The following ADAMTS20 variants were observed in gnomAD, a reference collection of about 807,000 sequenced individuals.
ADAMTS20 encodes A disintegrin and metalloproteinase with thrombospondin motifs 20.
ADAMTS20 carries 225 observed loss-of-function variants against 260.1 expected under a neutral mutation model. That is an observed-to-expected ratio of 0.87 (90% CI 0.78 to 0.97). The LOEUF is 0.97. ADAMTS20 is among the 50% of genes least tolerant of loss of function. The pLI, the probability that ADAMTS20 is intolerant of heterozygous loss-of-function variation, is 0.00. For synonymous variants in ADAMTS20, 802 were observed against 769.5 expected (o/e 1.04, Z -0.70); for missense variants, 2,400 against 2,337.7 (o/e 1.03, Z -0.55).
At chr12:43,487,780 AAAG>A (rs1298167452) in intron 7 of ADAMTS20, among the ~76,000 whole-genome samples, 1 of 152,164 alleles carries the variant, frequency 6.6e-6, no homozygotes, top group Non-Finnish European at 1.5e-5. Context: ...TTCTTGAAGA[AAAG>A]AAGCTGGTGG....
intron 6 of ADAMTS20, among the ~76,000 whole-genome samples, chr12:43,492,250 G>A (rs1942610941): frequency 6.6e-6 from 1 of 151,876 alleles, no homozygotes; most frequent in African/African-American, 2.4e-5. Flanking sequence ...CGTGGTGGCG[G>A]GCGCCTGTAG....
In ADAMTS20 at chr12:43,434,388, TG is replaced by T; in HGVS notation, c.2594-18del. The T allele has an allele frequency of 1.9e-6, 3 of 1,552,946 alleles. No individual in the cohort carries two copies. The highest frequency in any genetic ancestry group is 2.6e-6 in the Non-Finnish European group (3 of 1,149,906). The stretch of plus-strand genomic sequence containing the variant: ...GCTGAAGACCTTGGCCAAAGTCAAA[TG>T]AAAATAAAAAATGAAAGAAAAATTC... On this transcript the variant is annotated intron_variant, in intron 18 of 38. Coordinates refer to ENST00000389420, the MANE Select transcript of ADAMTS20 (RefSeq NM_025003.5).
At chr12:43,439,870 T>C in intron 17 of ADAMTS20, 27 bp downstream of exon 17, 2 of 1,590,826 alleles carry the variant, frequency 1.3e-6, no homozygotes, top group Non-Finnish European at 1.7e-6. Context: ...TAAATCCAAG[T>C]GTTATTACTG....
At chr12:43,465,920 C>T (rs1942144462) in intron 9 of ADAMTS20, among the ~76,000 whole-genome samples, 1 of 151,946 alleles carries the variant, frequency 6.6e-6, no homozygotes, top group Non-Finnish European at 1.5e-5. Context: ...TAGAAAATAA[C>T]TGATGATAAT....
intron 7 of ADAMTS20, among the ~76,000 whole-genome samples, chr12:43,480,681 A>T (rs577070688): frequency 6.6e-6 from 1 of 152,210 alleles, no homozygotes; most frequent in African/African-American, 2.4e-5. Flanking sequence ...GTAGGACATT[A>T]CGCTCAGTGA....
Position 43,434,326 on chromosome 12 carries a change from C to A in ADAMTS20, c.2639G>T (p.Ser880Ile). Reference sequence around the variant, plus strand: ...GTCACATTCTTTATCAGACACAACACTATGATCACTCTTATGTATGCAAGT... The same window carrying A: ...GTCACATTCTTTATCAGACACAACAATATGATCACTCTTATGTATGCAAGT... ...NITCIHKSDH[S>I]VVSDKECDHL... is the part of the protein sequence containing the mutation. The change falls in exon 19 of 39, where the codon AGT becomes ATT. Residue 880 changes from serine (S) to isoleucine (I), a missense_variant. Coordinates refer to ENST00000389420, the MANE Select transcript of ADAMTS20 (RefSeq NM_025003.5). 6.3e-7 allele frequency: 1 copy of A among 1,592,438 alleles called. No homozygotes were observed. Among genetic ancestry groups the A allele is most frequent in the Non-Finnish European group, 8.6e-7 (1 of 1,168,088 alleles).
chr12:43,367,386 C>A (rs1303213450), intron 37 of ADAMTS20, among the ~76,000 whole-genome samples: 1 of 151,920 alleles, frequency 6.6e-6, no homozygotes, highest in Non-Finnish European at 1.5e-5. Flanking sequence ...GGTTGTGTTT[C>A]AACATATAAA....
chr12:43,534,422 C>T (rs1054541449), intron 2 of ADAMTS20, among the ~76,000 whole-genome samples: 2 of 152,162 alleles, frequency 1.3e-5, no homozygotes, highest in Admixed American at 6.6e-5. Flanking sequence ...ATATTTAACA[C>T]ATTAACAATG....
chr12:43,417,472 T>G (rs1941153131), intron 28 of ADAMTS20, among the ~76,000 whole-genome samples: 1 of 152,240 alleles, frequency 6.6e-6, no homozygotes, highest in East Asian at 1.9e-4. Context: ...CTACCACTGG[T>G]TAGGAATTGG....
chr12:43,420,694 C>G (rs1941209940), intron 28 of ADAMTS20, among the ~76,000 whole-genome samples: 2 of 151,812 alleles, frequency 1.3e-5, no homozygotes, highest in Non-Finnish European at 2.9e-5. Context: ...TGCTCAGACC[C>G]TTAGTGCTCT....
intron 2 of ADAMTS20, among the ~76,000 whole-genome samples, chr12:43,537,405 T>C (rs1182583719): frequency 6.6e-6 from 1 of 152,086 alleles, no homozygotes; most frequent in Non-Finnish European, 1.5e-5. Context: ...TATATATTTA[T>C]GGAGTACATG....
intron 7 of ADAMTS20, among the ~76,000 whole-genome samples, chr12:43,480,751 A>G (rs1322023685): frequency 6.6e-6 from 1 of 152,174 alleles, no homozygotes; most frequent in South Asian, 2.1e-4. Flanking sequence ...AATCTAAAAA[A>G]GTCGAACTCT....
At position 43,428,617 on chromosome 12, in the gene ADAMTS20, T is replaced by C. The variant is rs745396640; in HGVS notation, c.3654+18A>G. 4.0e-6 allele frequency: 6 copies of C among 1,515,940 alleles called. No individual in the cohort carries two copies. The East Asian group carries it at 1.4e-4, about 36-fold the overall frequency. The allele number at this position is 1,515,940 out of a possible 1,614,324, so 93.9% of individuals were successfully genotyped here. On this transcript the variant is annotated intron_variant, in intron 25 of 38. Transcript: ENST00000389420. Reference sequence around the variant, plus strand: ...ATTTAAATTTTTCATTTTCTTTTTTTCTCATAAGAATACTTACGGGTGACC... The same window carrying C: ...ATTTAAATTTTTCATTTTCTTTTTTCCTCATAAGAATACTTACGGGTGACC...
At chr12:43,417,898 C>G (rs898559528) in intron 28 of ADAMTS20, among the ~76,000 whole-genome samples, 1 of 152,156 alleles carries the variant, frequency 6.6e-6, no homozygotes, top group Admixed American at 6.5e-5. Context: ...CACTGCAGCT[C>G]ATACATGCAC....
chr12:43,388,626 T>G (rs1381230362), intron 29 of ADAMTS20, among the ~76,000 whole-genome samples: 1 of 152,246 alleles, frequency 6.6e-6, no homozygotes, highest in East Asian at 1.9e-4. Context: ...CACAGAACAC[T>G]TTCCATACAT....
intron 11 of ADAMTS20, among the ~76,000 whole-genome samples, chr12:43,455,223 T>C (rs1468691224): frequency 6.6e-6 from 1 of 151,944 alleles, no homozygotes; most frequent in Non-Finnish European, 1.5e-5. Flanking sequence ...AGAATTTTCT[T>C]ATTAAAAATG....
chr12:43,508,935 G>A (rs147854798), intron 3 of ADAMTS20, among the ~76,000 whole-genome samples: 2,280 of 152,176 alleles, frequency 0.015, 53 homozygotes, highest in African/African-American at 0.051. Context: ...CCCAGTGTGT[G>A]TTTTTCCCCT....
At position 43,425,503 on chromosome 12, in the gene ADAMTS20, T is replaced by G; in HGVS notation, c.4284+11A>C. 1 of 1,468,236 alleles carries G rather than the reference T, an allele frequency of 6.8e-7. No homozygotes were observed. Among genetic ancestry groups the G allele is most frequent in the Non-Finnish European group, 9.1e-7 (1 of 1,096,288 alleles). The allele number at this position is 1,468,236 out of a possible 1,614,324, so 91.0% of individuals were successfully genotyped here. A position where few individuals can be genotyped will look rare whatever the true frequency, so the allele number is the denominator to read the frequency against. The stretch of plus-strand genomic sequence containing the variant: ...AGTATGACATGTTAACAGACAAGAG[T>G]GCTATCATACCGATGTCCATGGTTC... On this transcript the variant is annotated intron_variant, in intron 28 of 38. Transcript: ENST00000389420.
At position 43,453,911 on chromosome 12, in the gene ADAMTS20, G is replaced by A; in HGVS notation, c.1756C>T (p.Pro586Ser). The change falls in exon 12 of 39, where the codon CCT becomes TCT. Residue 586 changes from proline to serine, a missense_variant. Coordinates refer to ENST00000389420, the MANE Select transcript of ADAMTS20 (RefSeq NM_025003.5). Reference protein sequence around the residue: ...IESATRRCNRPEPRNGGNYCV... With the variant: ...IESATRRCNRSEPRNGGNYCV... ...AGTGACATAAAAAAGACATACTCAG[G>A]ACGATTACAGCGCCTGGTTGCACTT... 1 of 1,598,852 alleles carries A rather than the reference G, an allele frequency of 6.3e-7. No homozygotes were observed. The highest frequency in any genetic ancestry group is 1.7e-5 in the Admixed American group (1 of 57,656).
Sources: gnomAD v4.1 joint callset for allele counts (sites outside exome capture counted in the v4.1 genomes callset) on GRCh38, gnomAD v4.1.1 for gene constraint, MANE v1.5 for transcripts, NCBI Gene and HGNC (gene_info 2026-07-23, HGNC 2026-07-21) for gene names.